The following DZIP1 variants were observed in gnomAD, a reference collection of about 807,000 sequenced individuals.
DZIP1 encodes the protein cilium assembly protein DZIP1.
DZIP1 carries 97 observed loss-of-function variants against 107.6 expected under a neutral mutation model. That is an observed-to-expected ratio of 0.90 (90% CI 0.77 to 1.07). The LOEUF (loss-of-function observed/expected upper bound fraction) is 1.07. Among genes scored for constraint, DZIP1 ranks in the 50% least tolerant of loss-of-function variants. DZIP1 has a pLI of 0.00. For missense variants in DZIP1, 1,035 were observed against 1,063.6 expected, an observed-to-expected ratio of 0.97 and a Z score of 0.37; for synonymous variants, 390 against 386.4, an observed-to-expected ratio of 1.01 and a Z score of -0.11.
intron 14 of DZIP1, among the ~76,000 whole-genome samples, chr13:95,601,126 C>G (rs757549131): frequency 6.6e-6 from 1 of 152,104 alleles, no homozygotes; most frequent in Non-Finnish European, 1.5e-5. Context: ...TCTCTAGAGT[C>G]AGGATAAACT....
intron 21 of DZIP1, 70 bp from the exon 22 acceptor site, chr13:95,584,980 G>C: frequency 7.7e-7 from 1 of 1,304,198 alleles, no homozygotes; most frequent in Non-Finnish European, 1.1e-6. Context: ...CATTTTATTG[G>C]TTAGACTGAG....
chr13:95,625,954 C>T lies in DZIP1; in HGVS notation c.811-1025G>A, dbSNP rs1594722326. On this transcript the variant is annotated intron_variant, in intron 7 of 22. Coordinates refer to ENST00000376829, the MANE Select transcript of DZIP1 (RefSeq NM_198968.4). The stretch of plus-strand genomic sequence containing the variant: ...CCTGGGAAACATTGTGAGACCTCAT[C>T]TCTACCAAAAATTAAAAAAAAAAAA... 2.0e-5 allele frequency among the ~76,000 whole-genome samples: 3 copies of T among 151,282 alleles called. No individual in the cohort carries two copies. In the East Asian group the frequency reaches 5.8e-4, roughly 29 times the overall value.
At chr13:95,594,761 CAA>C (rs1318663062) in intron 15 of DZIP1, among the ~76,000 whole-genome samples, 4 of 151,818 alleles carry the variant, frequency 2.6e-5, no homozygotes, top group African/African-American at 9.7e-5. Flanking sequence ...AAAAGGATAA[CAA>C]AAGTCTTAGC....
At chr13:95,632,125 T>C (rs1877268290) in intron 6 of DZIP1, among the ~76,000 whole-genome samples, 2 of 152,130 alleles carry the variant, frequency 1.3e-5, no homozygotes, top group Admixed American at 6.6e-5. Flanking sequence ...GGGAAGACCT[T>C]GGGGCTGACC....
At chr13:95,606,131 C>A in intron 13 of DZIP1, 72 bp from the exon 14 acceptor site, 2 of 1,466,704 alleles carry the variant, frequency 1.4e-6, no homozygotes, top group Admixed American at 1.7e-5. Flanking sequence ...ATGATGGTAG[C>A]CAAATATGCC....
At chr13:95,626,447 T>G (rs1876553761) in intron 7 of DZIP1, among the ~76,000 whole-genome samples, 1 of 152,156 alleles carries the variant, frequency 6.6e-6, no homozygotes, top group South Asian at 2.1e-4. Flanking sequence ...AATTGGATAA[T>G]CTAGGTGAAA....
Position 95,624,869 on chromosome 13 carries a change from C to T in DZIP1, c.871G>A (p.Glu291Lys). ...TCAACTAGTTTCTCCTTTTCTTCTT[C>T]TTTCCACCTGTCAAATAACTTCAAA... ...DFLKLFDRWKEEEKEKLVDEM... is the reference protein window; with the variant it reads ...DFLKLFDRWKKEEKEKLVDEM... The change falls in exon 8 of 23, where the codon GAA becomes AAA. Residue 291 changes from glutamate to lysine, a missense_variant. Transcript: ENST00000376829. 1 of 1,612,662 alleles carries T rather than the reference C, an allele frequency of 6.2e-7. No individual in the cohort carries two copies. Among genetic ancestry groups the T allele is most frequent in the Non-Finnish European group, 8.5e-7 (1 of 1,179,380 alleles).
intron 22 of DZIP1, among the ~76,000 whole-genome samples, chr13:95,584,273 C>A: frequency 4.2e-5 from 1 of 23,650 alleles, no homozygotes; most frequent in Non-Finnish European, 8.7e-5. Context: ...CTGCGCCTGG[C>A]CAAAAAAAAA....
intron 5 of DZIP1, among the ~76,000 whole-genome samples, chr13:95,637,991 G>A (rs563740986): frequency 3.3e-5 from 5 of 151,688 alleles, no homozygotes; most frequent in African/African-American, 4.8e-5. Context: ...TCTGAGAATC[G>A]AGGAAGGGAA....
chr13:95,617,699 C>CG (rs1197836246), intron 10 of DZIP1, among the ~76,000 whole-genome samples: 28 of 45,266 alleles, frequency 6.2e-4, no homozygotes, highest in Non-Finnish European at 7.7e-4. Context: ...GGGGGTGGGG[C>CG]GGGGGGGTCA....
chr13:95,635,478 T>C (rs1877691924), intron 5 of DZIP1, among the ~76,000 whole-genome samples: 1 of 152,144 alleles, frequency 6.6e-6, no homozygotes, highest in Non-Finnish European at 1.5e-5. Flanking sequence ...ATTACAGGTG[T>C]AACCCACGGT....
intron 10 of DZIP1, among the ~76,000 whole-genome samples, chr13:95,616,051 C>G (rs980377701): frequency 6.6e-6 from 1 of 152,172 alleles, no homozygotes; most frequent in African/African-American, 2.4e-5. Flanking sequence ...ACTGTAAGAA[C>G]AGGCCACTTT....
rs193272670 is a variant in DZIP1, at chr13:95,578,274, A to G, written c.*3960T>C. 19 of 269,606 alleles carry G rather than the reference A, an allele frequency of 7.0e-5. No individual in the cohort carries two copies. In the Admixed American group the frequency reaches 8.6e-4, roughly 12 times the overall value. The allele number at this position is 269,606 out of a possible 1,614,324, so 16.7% of individuals were successfully genotyped here. Reference sequence around the variant, plus strand: ...GTTTTCTACATTTATATAGAACATGAAAAGCATTTAGTACCAAAGGTTCAA... The same window carrying G: ...GTTTTCTACATTTATATAGAACATGGAAAGCATTTAGTACCAAAGGTTCAA... On this transcript the variant is annotated 3_prime_UTR_variant, in exon 23 of 23. Transcript: ENST00000376829.
At chr13:95,607,235 CAG>C (rs1003573311) in intron 13 of DZIP1, among the ~76,000 whole-genome samples, 1 of 152,032 alleles carries the variant, frequency 6.6e-6, no homozygotes, top group Admixed American at 6.6e-5. Context: ...TTAGTAGAGA[CAG>C]GGTTTCACCA....
intron 5 of DZIP1, among the ~76,000 whole-genome samples, chr13:95,635,831 G>C (rs1266798387): frequency 1.3e-5 from 2 of 152,142 alleles, no homozygotes; most frequent in Admixed American, 1.3e-4. Flanking sequence ...CTTCAGCAGG[G>C]CTGCCCATGT....
intron 20 of DZIP1, 34 bp from the exon 21 acceptor site, chr13:95,586,170 A>G (rs769353529): frequency 2.6e-6 from 4 of 1,537,712 alleles, no homozygotes; most frequent in Non-Finnish European, 3.5e-6. Flanking sequence ...CAAGTTAAGT[A>G]TTTAAAAATT....
At chr13:95,629,428 A>C (rs905231770) in intron 7 of DZIP1, among the ~76,000 whole-genome samples, 3 of 152,210 alleles carry the variant, frequency 2.0e-5, no homozygotes, top group Non-Finnish European at 4.4e-5. Flanking sequence ...AAAAAAGAAA[A>C]AAGGAAACAG....
At chr13:95,585,850 G>A (rs1005415778) in intron 21 of DZIP1, among the ~76,000 whole-genome samples, 156 bp downstream of exon 21, 1 of 152,180 alleles carries the variant, frequency 6.6e-6, no homozygotes, top group Non-Finnish European at 1.5e-5. Context: ...CTATGGAATG[G>A]AAAGAAATGC....
intron 15 of DZIP1, among the ~76,000 whole-genome samples, chr13:95,597,199 T>C (rs1419068987): frequency 2.0e-5 from 3 of 152,202 alleles, no homozygotes; most frequent in Non-Finnish European, 4.4e-5. Context: ...AACTGGAAGT[T>C]ACAAGACCAC....
Sources: gnomAD v4.1 joint callset for allele counts (sites outside exome capture counted in the v4.1 genomes callset) on GRCh38, gnomAD v4.1.1 for gene constraint, MANE v1.5 for transcripts, NCBI Gene and HGNC (gene_info 2026-07-23, HGNC 2026-07-21) for gene names.